HAS2: variants seen among roughly 807,000 people sequenced by gnomAD.
HAS2 encodes hyaluronan synthase 2, also known as HA synthase 2.
Under a neutral mutation model 51.6 loss-of-function variants are expected in HAS2, and 16 were observed. That is an observed-to-expected ratio of 0.31 (90% CI 0.21 to 0.47). HAS2 has a LOEUF of 0.47. Ranked by LOEUF, HAS2 falls within the 20% of genes least tolerant of loss-of-function variation. HAS2 has a pLI of 1.00. For synonymous variants in HAS2, 228 were observed against 235.5 expected (o/e 0.97, Z 0.29); for missense variants, 361 against 662.6 (o/e 0.54, Z 5.00).
Position 121,641,158 on chromosome 8 carries a change from C to CTTTCTTTTTT in HAS2, c.-307_-306insAAAAAAGAAA, listed in dbSNP as rs1554597329. 2.1e-4 allele frequency: 12 copies of CTTTCTTTTTT among 57,018 alleles called. No individual in the cohort carries two copies. The highest frequency in any genetic ancestry group is 4.7e-4 in the African/African-American group (7 of 14,904). The allele number at this position is 57,018 out of a possible 1,614,324, so 3.5% of individuals were successfully genotyped here. The stretch of plus-strand genomic sequence containing the variant: ...TAACTTTTCTTTTTTCTTTTCTTTT[C>CTTTCTTTTTT]TTTTTTTTTTTTTTTTTTTTTTGGG... On this transcript the variant is annotated 5_prime_UTR_variant, in exon 1 of 4. Coordinates refer to ENST00000303924, the MANE Select transcript of HAS2 (RefSeq NM_005328.3).
At chr8:121,640,691 C>T (rs1813082057) in intron 1 of HAS2, among the ~76,000 whole-genome samples, 162 bp downstream of exon 1, 1 of 152,136 alleles carries the variant, frequency 6.6e-6, no homozygotes, top group Admixed American at 6.6e-5. Context: ...TGACAGTGAC[C>T]TGAAATATTC....
Position 121,617,176 on chromosome 8 carries a change from C to T in HAS2, c.658G>A (p.Ala220Thr). The T allele has an allele frequency of 6.2e-7, 1 of 1,611,882 alleles. No homozygotes were observed. The highest frequency in any genetic ancestry group is 8.5e-7 in the Non-Finnish European group (1 of 1,178,102). The change falls in exon 3 of 4, where the codon GCC (alanine) becomes ACC (threonine). Residue 220 changes from alanine to threonine, a missense_variant. Ala to Thr is a moderately conservative substitution (Grantham distance 58, BLOSUM62 0). This residue lies in a region of HAS2 where 49 missense variants were observed against 108.3 expected (regional missense o/e 0.45). Transcript: ENST00000303924. ...VCDSDTMLDP[A>T]SSVEMVKVLE... is the part of the protein sequence containing the mutation. ...ACTTTTACCATCTCCACAGATGAGGCTGGGTCAAGCATAGTGTCTGAATCA... is the reference window on the plus strand; with the variant it reads ...ACTTTTACCATCTCCACAGATGAGGTTGGGTCAAGCATAGTGTCTGAATCA...
intron 2 of HAS2, among the ~76,000 whole-genome samples, chr8:121,619,081 T>A (rs1014493374): frequency 1.3e-5 from 2 of 152,088 alleles, no homozygotes; most frequent in Non-Finnish European, 2.9e-5. Flanking sequence ...CCAACATTTT[T>A]AAAAGCATCT....
intron 2 of HAS2, among the ~76,000 whole-genome samples, chr8:121,628,046 C>T (rs1812877142): frequency 6.6e-6 from 1 of 152,150 alleles, no homozygotes; most frequent in South Asian, 2.1e-4. Flanking sequence ...CACAGCCTGT[C>T]TAATTTTCAT....
chr8:121,636,090 G>A (rs62524938), intron 1 of HAS2, among the ~76,000 whole-genome samples: 8,355 of 152,258 alleles, frequency 0.055, 257 homozygotes, highest in Non-Finnish European at 0.067. Context: ...CTGATCTGTG[G>A]CTCCCACATT....
chr8:121,629,450 A>G, intron 1 of HAS2, 110 bp from the exon 2 acceptor site: 1 of 877,510 alleles, frequency 1.1e-6, no homozygotes, highest in East Asian at 2.5e-5. Flanking sequence ...GAGTTTTAAC[A>G]CTCAATTTCT....
intron 2 of HAS2, among the ~76,000 whole-genome samples, chr8:121,618,948 T>C (rs980492871): frequency 2.6e-5 from 4 of 152,100 alleles, no homozygotes; most frequent in African/African-American, 9.7e-5. Flanking sequence ...GTGTTTGATA[T>C]ACCAGTTTTG....
Position 121,614,848 on chromosome 8 carries a change from T to G in HAS2, c.920A>C (p.Asn307Thr). Residue 307 changes from asparagine to threonine, a missense_variant, in exon 4 of 4, where the codon AAC becomes ACC. Coordinates refer to ENST00000303924, the MANE Select transcript of HAS2 (RefSeq NM_005328.3). The surrounding 1 kb of genome is among the most constrained non-coding windows in gnomAD (Gnocchi z 7.2). The part of the protein sequence containing the change: ...EDWYNQEFMG[N>T]QCSFGDDRHL... ...CCTGTCATCACCAAAGCTACATTGGTTGCCCATAAATTCTTGATTGTACCA... is the reference window on the plus strand; with the variant it reads ...CCTGTCATCACCAAAGCTACATTGGGTGCCCATAAATTCTTGATTGTACCA... 1 of 1,614,210 alleles carries G rather than the reference T, an allele frequency of 6.2e-7. No homozygotes were observed. Among genetic ancestry groups the G allele is most frequent in the Non-Finnish European group, 8.5e-7 (1 of 1,180,022 alleles).
chr8:121,632,582 G>T (rs553948309), intron 1 of HAS2, among the ~76,000 whole-genome samples: 2 of 152,112 alleles, frequency 1.3e-5, no homozygotes, highest in East Asian at 1.9e-4. Context: ...AGAACAGCTT[G>T]CTATACTATA....
chr8:121,617,077 C>T (rs370655534), intron 3 of HAS2, 28 bp downstream of exon 3: 8 of 1,252,582 alleles, frequency 6.4e-6, no homozygotes, highest in Non-Finnish European at 8.1e-6. Context: ...TCATGCAAAA[C>T]AAACAAACAA....
rs568117595 is a variant in HAS2, at chr8:121,624,235, GGCCAT to G, written c.627+4474_627+4478del. ...ATAGCATTTCAGCATTACAGTTCAA[GGCCAT>G]GTTAAAGAGCTACATCACCAAGGAA... is the stretch of plus-strand genomic sequence containing the variant. On this transcript the variant is annotated intron_variant, in intron 2 of 3. Coordinates refer to ENST00000303924, the MANE Select transcript of HAS2 (RefSeq NM_005328.3). 2.9e-4 allele frequency among the ~76,000 whole-genome samples: 44 copies of G among 152,242 alleles called. No homozygotes were observed. In the South Asian group the frequency reaches 8.9e-3, roughly 31 times the overall value.
At chr8:121,636,875 T>A (rs1813016310) in intron 1 of HAS2, among the ~76,000 whole-genome samples, 1 of 152,180 alleles carries the variant, frequency 6.6e-6, no homozygotes, top group Non-Finnish European at 1.5e-5. Flanking sequence ...TGAACCCCCA[T>A]AAAACTTGAC....
chr8:121,621,679 G>T (rs1332705869), intron 2 of HAS2, among the ~76,000 whole-genome samples: 2 of 152,092 alleles, frequency 1.3e-5, no homozygotes, highest in Admixed American at 1.3e-4. Context: ...AGCATCTACA[G>T]CATTCCTGTC....
intron 1 of HAS2, among the ~76,000 whole-genome samples, chr8:121,635,713 C>A (rs962631795): frequency 2.0e-5 from 3 of 152,324 alleles, no homozygotes; most frequent in Non-Finnish European, 4.4e-5. Flanking sequence ...GTCTTTTCAA[C>A]TTTTGGCCAA....
Position 121,614,958 on chromosome 8 carries a change from A to G in HAS2, c.810T>C (p.Cys270=). Residue 270 remains cysteine, a synonymous_variant, in exon 4 of 4, where the codon TGT becomes TGC. Coordinates refer to ENST00000303924, the MANE Select transcript of HAS2 (RefSeq NM_005328.3). This position sits in a 1 kb window ranked among gnomAD's most constrained non-coding sequence, Gnocchi z 7.2. ...ACTGAACACACCCAAAATAAGACTG[A>G]CAGGCCCTTTCTATATTAAAAGCCA... ...YWMAFNIERA[C]QSYFGCVQCI... The G allele has an allele frequency of 6.2e-7, 1 of 1,613,544 alleles. No individual in the cohort carries two copies. The highest frequency in any genetic ancestry group is 8.5e-7 in the Non-Finnish European group (1 of 1,179,436).
rs893844101 is a variant in HAS2 at position 121,612,997 on chromosome 8, A to C, written c.*1112T>G. On this transcript the variant is annotated 3_prime_UTR_variant, in exon 4 of 4. Transcript: ENST00000303924. ...CATGTTCAATGTGTAGGTAGGACCCAGTAAATTCAGGCCACAGAACAAAAC... is the reference window on the plus strand; with the variant it reads ...CATGTTCAATGTGTAGGTAGGACCCCGTAAATTCAGGCCACAGAACAAAAC... 3 of 151,894 alleles carry C rather than the reference A, an allele frequency of 2.0e-5. No individual in the cohort carries two copies. Among genetic ancestry groups the C allele is most frequent in the Non-Finnish European group, 4.4e-5 (3 of 67,966 alleles). The allele number at this position is 151,894 out of a possible 1,614,324, so 9.4% of individuals were successfully genotyped here. A position where few individuals can be genotyped will look rare whatever the true frequency, so the allele number is the denominator to read the frequency against.
In HAS2 at chr8:121,613,271, G is replaced by T. The variant is rs190987282; in HGVS notation, c.*838C>A. 1.3e-5 allele frequency: 2 copies of T among 151,906 alleles called. No individual in the cohort carries two copies. The highest frequency in any genetic ancestry group is 2.9e-5 in the Non-Finnish European group (2 of 67,940). The allele number at this position is 151,906 out of a possible 1,614,324, so 9.4% of individuals were successfully genotyped here. On this transcript the variant is annotated 3_prime_UTR_variant, in exon 4 of 4. Transcript: ENST00000303924. ...AACGATTTTTTTTTTAGGTACACAC[G>T]AAAGTGTGTATTTTTACTTCCAAAG... is the stretch of plus-strand genomic sequence containing the variant.
At chr8:121,617,914 G>T (rs934617469) in intron 2 of HAS2, among the ~76,000 whole-genome samples, 3 of 151,564 alleles carry the variant, frequency 2.0e-5, no homozygotes, top group Non-Finnish European at 4.4e-5. Context: ...TGTTCATCTG[G>T]CCCTCTGAAT....
chr8:121,635,101 G>A (rs1265081906), intron 1 of HAS2, among the ~76,000 whole-genome samples: 1 of 152,104 alleles, frequency 6.6e-6, no homozygotes, highest in Non-Finnish European at 1.5e-5. Context: ...GTATTAACCA[G>A]ATTAGCAAAT....
Sources: gnomAD v4.1 joint callset for allele counts (sites outside exome capture counted in the v4.1 genomes callset) on GRCh38, gnomAD v4.1.1 for gene constraint, gnomAD v4.1.1 regional missense constraint, Gnocchi (gnomAD v3.1) non-coding constraint, MANE v1.5 for transcripts, NCBI Gene and HGNC (gene_info 2026-07-23, HGNC 2026-07-21) for gene names.